MYO16: variants seen among roughly 807,000 people sequenced by gnomAD.
The protein encoded by MYO16 is unconventional myosin-XVI.
Under a neutral mutation model 205.3 loss-of-function variants are expected in MYO16, and 94 were observed. That is an observed-to-expected ratio of 0.46 (90% confidence interval 0.39 to 0.54). The LOEUF (loss-of-function observed/expected upper bound fraction) is 0.54, where lower values mean the gene tolerates loss of function less well. Among genes scored for constraint, MYO16 ranks in the 20% least tolerant of loss-of-function variants. MYO16 has a pLI of 0.00. For synonymous variants in MYO16, 988 were observed against 954.0 expected, an observed-to-expected ratio of 1.04 and a Z score of -0.66; for missense variants, 2,315 against 2,387.5, an observed-to-expected ratio of 0.97 and a Z score of 0.63.
chr13:108,963,282 A>T lies in MYO16; in HGVS notation c.2227+787A>T, dbSNP rs576002501. Among the ~76,000 whole-genome samples the T allele has an allele frequency of 3.3e-5, 5 of 152,252 alleles. No homozygotes were observed. In the South Asian group the frequency reaches 1.0e-3, roughly 32 times the overall value. ...TGGCCTTTTGGGCCTATGTGCATGT[A>T]TTTAGGTAGGTGAGTCATTATTCCT... On this transcript the variant is annotated intron_variant, in intron 19 of 34. Transcript: ENST00000457511.
Position 109,010,433 on chromosome 13 carries a change from A to T in MYO16, c.2595+1384A>T, listed in dbSNP as rs187527935. 2.5e-3 allele frequency among the ~76,000 whole-genome samples: 378 copies of T among 152,328 alleles called. 3 individuals are homozygous for T. The highest frequency in any genetic ancestry group is 0.024 in the Middle Eastern group (7 of 294). On this transcript the variant is annotated intron_variant, in intron 22 of 34. Transcript: ENST00000457511. ...GAAGACAATACAAATAATAATGCTT[A>T]AAAAATGTTGCTAGTAATCAACCAC... is the stretch of plus-strand genomic sequence containing the variant.
intron 4 of MYO16, among the ~76,000 whole-genome samples, chr13:108,774,105 A>G (rs991718018): frequency 4.1e-5 from 6 of 146,672 alleles, no homozygotes; most frequent in African/African-American, 1.5e-4. Context: ...ATGAAAATAA[A>G]TAACAATAAA....
chr13:109,123,095 G>A (rs533109799), intron 29 of MYO16, among the ~76,000 whole-genome samples: 16 of 152,182 alleles, frequency 1.1e-4, no homozygotes, highest in Admixed American at 2.6e-4. Flanking sequence ...TTACATGGGC[G>A]GTATCTTAGA....
intron 6 of MYO16, among the ~76,000 whole-genome samples, chr13:108,805,028 G>A (rs187377470): frequency 2.0e-5 from 3 of 152,250 alleles, no homozygotes; most frequent in Admixed American, 1.3e-4. Flanking sequence ...TGTAGACTCT[G>A]CTTTATGCTA....
intron 27 of MYO16, among the ~76,000 whole-genome samples, chr13:109,080,578 TCAAA>T (rs1484620496): frequency 9.9e-5 from 7 of 70,664 alleles, no homozygotes; most frequent in Non-Finnish European, 1.7e-4. Flanking sequence ...GTGCCCCTCT[TCAAA>T]AAAAAAAAAA....
chr13:108,824,022 G>A (rs956445523), intron 9 of MYO16, among the ~76,000 whole-genome samples: 1 of 152,022 alleles, frequency 6.6e-6, no homozygotes, highest in South Asian at 2.1e-4. Flanking sequence ...AGCAAACATT[G>A]TCAGGTAGAG....
upstream of MYO16, among the ~76,000 whole-genome samples, chr13:108,593,834 G>A (rs1164760941): frequency 1.3e-5 from 2 of 152,076 alleles, no homozygotes; most frequent in South Asian, 4.1e-4. Flanking sequence ...AGCATGTCAC[G>A]CCCTCTGTCC....
intron 1 of MYO16, among the ~76,000 whole-genome samples, chr13:108,599,575 C>T (rs74747956): frequency 0.059 from 8,910 of 152,060 alleles, 820 homozygotes; most frequent in African/African-American, 0.2. Context: ...AAGAAGGATA[C>T]GTACCATATA....
intron 33 of MYO16, among the ~76,000 whole-genome samples, chr13:109,170,894 C>T (rs1374129113): frequency 6.6e-6 from 1 of 152,176 alleles, no homozygotes; most frequent in Admixed American, 6.5e-5. Context: ...TCTCCCTTAA[C>T]ACACTTACAA....
At chr13:108,996,617 G>A (rs1885010619) in intron 21 of MYO16, among the ~76,000 whole-genome samples, 1 of 152,106 alleles carries the variant, frequency 6.6e-6, no homozygotes, top group Non-Finnish European at 1.5e-5. Context: ...CACCTTTGAG[G>A]ACAATAAGGA....
At chr13:109,026,667 A>G (rs562060907) in intron 23 of MYO16, among the ~76,000 whole-genome samples, 1 of 152,268 alleles carries the variant, frequency 6.6e-6, no homozygotes, top group African/African-American at 2.4e-5. Flanking sequence ...TTCGTTTTTA[A>G]GTGATTCCTA....
At chr13:108,967,872 T>A (rs1187743279) in intron 20 of MYO16, among the ~76,000 whole-genome samples, 1 of 152,182 alleles carries the variant, frequency 6.6e-6, no homozygotes, top group Non-Finnish European at 1.5e-5. Flanking sequence ...GTGACTACAG[T>A]CTGCTTCCTC....
chr13:108,818,804 A>G (rs1875784165), intron 7 of MYO16, among the ~76,000 whole-genome samples: 1 of 152,222 alleles, frequency 6.6e-6, no homozygotes. Context: ...AAACTGGCAA[A>G]TCCCTAGAAA....
At chr13:108,664,165 A>C (rs1881623939) in intron 1 of MYO16, among the ~76,000 whole-genome samples, 1 of 152,216 alleles carries the variant, frequency 6.6e-6, no homozygotes, top group Non-Finnish European at 1.5e-5. Context: ...TTTTATGAAT[A>C]CTTATGAAGA....
intron 19 of MYO16, among the ~76,000 whole-genome samples, 196 bp from the exon 20 acceptor site, chr13:108,964,565 A>C (rs1298380233): frequency 6.6e-6 from 1 of 152,190 alleles, no homozygotes; most frequent in Non-Finnish European, 1.5e-5. Flanking sequence ...AGAAGATTGC[A>C]ATGTACATGA....
chr13:108,737,617 C>T (rs1286540852), intron 4 of MYO16, among the ~76,000 whole-genome samples: 1 of 152,074 alleles, frequency 6.6e-6, no homozygotes. Flanking sequence ...TGTGTCTCTG[C>T]CAGGCTTTGG....
intron 4 of MYO16, among the ~76,000 whole-genome samples, chr13:108,733,926 G>A (rs1273668092): frequency 6.6e-6 from 1 of 152,146 alleles, no homozygotes; most frequent in Non-Finnish European, 1.5e-5. Context: ...CCGAGATCGC[G>A]CCATTGCACT....
At chr13:108,538,489 G>C in the MYO16 span, among the ~76,000 whole-genome samples, 1 of 152,086 alleles carries the variant, frequency 6.6e-6, no homozygotes, top group African/African-American at 2.4e-5. Flanking sequence ...CCAGAACACA[G>C]TGGGTCTGAG....
chr13:108,788,133 G>A (rs1181493869), intron 5 of MYO16, among the ~76,000 whole-genome samples: 1 of 152,084 alleles, frequency 6.6e-6, no homozygotes, highest in African/African-American at 2.4e-5. Context: ...TTTGCGTTGT[G>A]CAGTTTCGCA....
Sources: gnomAD v4.1 joint callset for allele counts (sites outside exome capture counted in the v4.1 genomes callset) on GRCh38, gnomAD v4.1.1 for gene constraint, MANE v1.5 for transcripts, NCBI Gene and HGNC (gene_info 2026-07-23, HGNC 2026-07-21) for gene names.